SLC11A2: variants seen among roughly 807,000 people sequenced by gnomAD.
SLC11A2 encodes the protein natural resistance-associated macrophage protein 2.
A neutral mutation model predicts 68.0 loss-of-function variants in SLC11A2; 38 were observed. The observed-to-expected ratio is 0.56, with a 90% CI of 0.43 to 0.73. The LOEUF (loss-of-function observed/expected upper bound fraction) is 0.73, where lower values mean the gene tolerates loss of function less well. SLC11A2 is among the 30% of genes least tolerant of loss of function. The pLI is 0.00. For missense variants in SLC11A2, 517 were observed against 690.5 expected, an observed-to-expected ratio of 0.75 and a Z score of 2.82; for synonymous variants, 242 against 250.6, an observed-to-expected ratio of 0.97 and a Z score of 0.32.
Position 50,999,194 on chromosome 12 carries a change from C to T in SLC11A2, c.655G>A (p.Ala219Thr). The change falls in exon 8 of 16, where the codon GCC becomes ACC. Residue 219 changes from alanine to threonine, a missense_variant. Coordinates refer to ENST00000262052, the MANE Select transcript of SLC11A2 (RefSeq NM_000617.3). ...CTTGCCTCATATCCAAATGTGAGGG[C>T]CATAATAGTGATGAGAAAGCCAAAA... ...AFFGFLITIMALTFGYEYVTV... is the reference protein window; with the variant it reads ...AFFGFLITIMTLTFGYEYVTV... 1 of 1,613,322 alleles carries T rather than the reference C, an allele frequency of 6.2e-7. No individual in the cohort carries two copies. Among genetic ancestry groups the T allele is most frequent in the South Asian group, 1.1e-5 (1 of 91,058 alleles).
At chr12:51,013,946 C>T (rs1046509759) in intron 1 of SLC11A2, among the ~76,000 whole-genome samples, 3 of 151,930 alleles carry the variant, frequency 2.0e-5, no homozygotes, top group East Asian at 1.9e-4. Context: ...CTCAGCCTCC[C>T]GAGTAGCTGG....
chr12:51,006,428 C>T (rs1942740365), intron 3 of SLC11A2, among the ~76,000 whole-genome samples: 1 of 152,090 alleles, frequency 6.6e-6, no homozygotes. Context: ...GATAACAGGC[C>T]CTGAAAGAAA....
At chr12:50,956,990 AT>A in the SLC11A2 span, among the ~76,000 whole-genome samples, 816 of 143,770 alleles carry the variant, frequency 5.7e-3, 7 homozygotes, top group Admixed American at 9.5e-3. Context: ...TCATTTTGTT[AT>A]TTTTTTTTTT....
At chr12:50,973,592 C>T in the SLC11A2 span, among the ~76,000 whole-genome samples, 1 of 152,190 alleles carries the variant, frequency 6.6e-6, no homozygotes, top group African/African-American at 2.4e-5. Flanking sequence ...CTCTCCTCCT[C>T]CAAAGGAATG....
chr12:51,021,128 C>G (rs1944015513), intron 1 of SLC11A2, among the ~76,000 whole-genome samples: 1 of 152,072 alleles, frequency 6.6e-6, no homozygotes, highest in African/African-American at 2.4e-5. Flanking sequence ...TATAACTAAT[C>G]TAGAGGTGAT....
At chr12:50,956,981 CATT>C in the SLC11A2 span, among the ~76,000 whole-genome samples, 1 of 147,074 alleles carries the variant, frequency 6.8e-6, no homozygotes, top group Admixed American at 6.7e-5. Context: ...CTACCATCAT[CATT>C]TTGTTATTTT....
In SLC11A2 at chr12:50,987,443, C is replaced by A. The variant is rs1490214743; in HGVS notation, c.*882G>T. ...CTCCCTTAAAGTCTTTTCTCCCCAC[C>A]CTCAACATTTCACGAGAACATCAGT... On this transcript the variant is annotated 3_prime_UTR_variant, in exon 16 of 16. Coordinates refer to ENST00000262052, the MANE Select transcript of SLC11A2 (RefSeq NM_000617.3). 7.8e-7 allele frequency: 1 copy of A among 1,287,150 alleles called. No individual in the cohort carries two copies. The highest frequency in any genetic ancestry group is 2.3e-5 in the Admixed American group (1 of 43,544). The allele number at this position is 1,287,150 out of a possible 1,614,324, so 79.7% of individuals were successfully genotyped here.
the SLC11A2 span, among the ~76,000 whole-genome samples, chr12:50,968,499 A>G: frequency 6.6e-6 from 1 of 151,484 alleles, no homozygotes; most frequent in Non-Finnish European, 1.5e-5. Context: ...TGATCCTCCC[A>G]CCTCAGCTTC....
chr12:51,004,858 C>T lies in SLC11A2; in HGVS notation c.359G>A (p.Arg120Gln), dbSNP rs746746118. 1.8e-5 allele frequency: 29 copies of T among 1,613,968 alleles called. No individual in the cohort carries two copies. The highest frequency in any genetic ancestry group is 2.2e-5 in the Non-Finnish European group (26 of 1,179,946). Residue 120 changes from arginine (R) to glutamine (Q), a missense_variant, in exon 5 of 16, where the codon CGG becomes CAG. Arg to Gln is a conservative substitution (Grantham distance 43, BLOSUM62 1). Transcript: ENST00000262052. Reference sequence around the variant, plus strand: ...AACCACTCCCAGTCTAGCTGCAAGCCGCTGGAGCAGCAGCCCCACAAGGGT... The same window carrying T: ...AACCACTCCCAGTCTAGCTGCAAGCTGCTGGAGCAGCAGCCCCACAAGGGT... ...LATLVGLLLQ[R>Q]LAARLGVVTG...
intron 1 of SLC11A2, among the ~76,000 whole-genome samples, chr12:51,021,086 G>A (rs1413881921): frequency 6.6e-6 from 1 of 152,118 alleles, no homozygotes; most frequent in African/African-American, 2.4e-5. Context: ...GCGAGACCCT[G>A]TCTAGAAGAA....
At chr12:50,992,096 A>G (rs1941207262) in intron 13 of SLC11A2, 94 bp downstream of exon 13, 1 of 1,234,858 alleles carries the variant, frequency 8.1e-7, no homozygotes, top group Non-Finnish European at 1.2e-6. Flanking sequence ...CTTCCTCTCA[A>G]TATCCCCCCA....
upstream of SLC11A2, chr12:51,026,438 C>G: frequency 9.9e-7 from 1 of 1,005,548 alleles, no homozygotes; most frequent in South Asian, 1.4e-5. Context: ...GCCGCACATC[C>G]CTATTGGCTG....
chr12:50,974,956 T>C (rs1384029612), downstream of SLC11A2, among the ~76,000 whole-genome samples: 2 of 152,206 alleles, frequency 1.3e-5, no homozygotes, highest in Non-Finnish European at 2.9e-5. Flanking sequence ...TAAATATACA[T>C]GCACCCAATA....
chr12:50,981,832 G>C, downstream of SLC11A2: 1 of 1,334,614 alleles, frequency 7.5e-7, no homozygotes. Flanking sequence ...AAGAGGGTTA[G>C]ACTGATTTTC....
At chr12:50,981,607 C>G, downstream of SLC11A2, 1 of 709,772 alleles carries the variant, frequency 1.4e-6, no homozygotes, top group East Asian at 2.9e-5. Flanking sequence ...GAAATCTTTG[C>G]CTTTTGTTCA....
intron 12 of SLC11A2, 128 bp from the exon 13 acceptor site, chr12:50,992,467 A>C: frequency 1.2e-6 from 1 of 861,518 alleles, no homozygotes; most frequent in Non-Finnish European, 1.9e-6. Context: ...GCAGTGGCTC[A>C]CGCCTGTAAT....
intron 1 of SLC11A2, chr12:51,024,323 G>A (rs1228627505): frequency 6.6e-6 from 1 of 152,174 alleles, no homozygotes; most frequent in Non-Finnish European, 1.5e-5. Context: ...TGGTGAGGAG[G>A]CAGAGAATAA....
At chr12:51,017,096 A>G (rs1013282455) in intron 1 of SLC11A2, among the ~76,000 whole-genome samples, 1 of 152,086 alleles carries the variant, frequency 6.6e-6, no homozygotes, top group African/African-American at 2.4e-5. Context: ...AAAAGTCTAC[A>G]TATTCTTTGA....
At chr12:50,989,876 A>G (rs1452346173) in intron 15 of SLC11A2, among the ~76,000 whole-genome samples, 1 of 152,190 alleles carries the variant, frequency 6.6e-6, no homozygotes, top group East Asian at 1.9e-4. Context: ...TCTCTGCAGC[A>G]AAAATGGTAT....
Sources: gnomAD v4.1 joint callset for allele counts (sites outside exome capture counted in the v4.1 genomes callset) on GRCh38, gnomAD v4.1.1 for gene constraint, MANE v1.5 for transcripts, NCBI Gene and HGNC (gene_info 2026-07-23, HGNC 2026-07-21) for gene names.